CDH13: variants seen among roughly 807,000 people sequenced by gnomAD.
CDH13 encodes cadherin 13, also known as cadherin-13.
A neutral mutation model predicts 63.8 loss-of-function variants in CDH13; 24 were observed. That is an observed-to-expected ratio of 0.38 (90% confidence interval 0.27 to 0.53). The LOEUF (loss-of-function observed/expected upper bound fraction) is 0.53, where lower values mean the gene tolerates loss of function less well. CDH13 is among the 20% of genes least tolerant of loss of function. The probability of loss-of-function intolerance (pLI) is 0.85; values close to 1 mark genes in which losing one functional copy is unlikely to be tolerated. For missense variants in CDH13, 1,049 were observed against 903.1 expected (o/e 1.16, Z -2.07); for synonymous variants, 503 against 355.3 (o/e 1.42, Z -4.67).
intron 4 of CDH13, among the ~76,000 whole-genome samples, chr16:83,215,907 A>T (rs2039488984): frequency 6.6e-6 from 1 of 152,162 alleles, no homozygotes; most frequent in Non-Finnish European, 1.5e-5. Context: ...ATAAATATAG[A>T]TGAATACTTG....
At chr16:83,388,773 C>T (rs1379022087) in intron 6 of CDH13, among the ~76,000 whole-genome samples, 1 of 152,166 alleles carries the variant, frequency 6.6e-6, no homozygotes, top group Non-Finnish European at 1.5e-5. Flanking sequence ...TCCATACTTG[C>T]TCCCCAGGAT....
At chr16:83,676,937 T>C (rs1357631509) in intron 9 of CDH13, among the ~76,000 whole-genome samples, 1 of 152,258 alleles carries the variant, frequency 6.6e-6, no homozygotes, top group South Asian at 2.1e-4. Flanking sequence ...CATTTTCCCA[T>C]GTCCACTGCA....
At chr16:82,989,700 G>A (rs1258243316) in intron 2 of CDH13, among the ~76,000 whole-genome samples, 1 of 152,202 alleles carries the variant, frequency 6.6e-6, no homozygotes, top group Middle Eastern at 3.2e-3. Context: ...GGTATTGCCT[G>A]CTTCTGTTCT....
At chr16:83,019,206 T>G (rs1915105716) in intron 2 of CDH13, among the ~76,000 whole-genome samples, 1 of 152,200 alleles carries the variant, frequency 6.6e-6, no homozygotes, top group African/African-American at 2.4e-5. Context: ...ATAGAAAATA[T>G]TTTCTTTATA....
chr16:83,249,997 G>C (rs1277237230), intron 5 of CDH13, among the ~76,000 whole-genome samples: 2 of 152,168 alleles, frequency 1.3e-5, no homozygotes, highest in Non-Finnish European at 2.9e-5. Context: ...CCAAGTAGTT[G>C]TTTCATTGCA....
At chr16:83,350,489 T>A in intron 6 of CDH13, among the ~76,000 whole-genome samples, 1 of 152,224 alleles carries the variant, frequency 6.6e-6, no homozygotes, top group East Asian at 1.9e-4. Context: ...AGCAGTTACG[T>A]CCTCATTGTC....
At chr16:83,413,911 G>A (rs541184006) in intron 6 of CDH13, among the ~76,000 whole-genome samples, 2 of 152,238 alleles carry the variant, frequency 1.3e-5, no homozygotes, top group Non-Finnish European at 2.9e-5. Flanking sequence ...AAAATTGCTT[G>A]AACCTGGGAG....
chr16:83,099,215 A>G (rs1025972479), intron 3 of CDH13, among the ~76,000 whole-genome samples: 2 of 152,216 alleles, frequency 1.3e-5, no homozygotes, highest in African/African-American at 4.8e-5. Context: ...CATACAAAGT[A>G]TGTTTACACA....
intron 2 of CDH13, among the ~76,000 whole-genome samples, chr16:82,928,987 T>C (rs113531486): frequency 3.0e-4 from 46 of 152,214 alleles, no homozygotes; most frequent in Non-Finnish European, 1.3e-4. Flanking sequence ...TTATATTCAA[T>C]TTTTGCCTGG....
chr16:82,848,198 G>A (rs544109791), intron 1 of CDH13, among the ~76,000 whole-genome samples: 3 of 152,342 alleles, frequency 2.0e-5, no homozygotes, highest in African/African-American at 4.8e-5. Context: ...GCATCAGTGA[G>A]AAAATTAGTC....
chr16:83,765,787 T>C (rs960124722), intron 11 of CDH13, among the ~76,000 whole-genome samples: 5 of 151,928 alleles, frequency 3.3e-5, no homozygotes, highest in Non-Finnish European at 7.4e-5. Flanking sequence ...CTTTCTTTTT[T>C]TTTTTCTATT....
intron 7 of CDH13, among the ~76,000 whole-genome samples, chr16:83,521,258 T>G (rs1032486581): frequency 2.0e-5 from 3 of 152,204 alleles, no homozygotes; most frequent in African/African-American, 7.2e-5. Context: ...TAAGGCTTTA[T>G]TATTTTAAGT....
Position 82,741,476 on chromosome 16 carries a change from T to A in CDH13, c.45+114339T>A, listed in dbSNP as rs142813761. Among the ~76,000 whole-genome samples the A allele has an allele frequency of 4.4e-3, 670 of 152,328 alleles. 4 individuals are homozygous for A. The highest frequency in any genetic ancestry group is 7.0e-3 in the Non-Finnish European group (479 of 68,022). On this transcript the variant is annotated intron_variant, in intron 1 of 13. Transcript: ENST00000567109. ...TATACATATGGCTATAAAGCACTTATAATAATAGACTGGAATTAGTCATTC... is the reference window on the plus strand; with the variant it reads ...TATACATATGGCTATAAAGCACTTAAAATAATAGACTGGAATTAGTCATTC...
chr16:82,897,807 A>G (rs547073408), intron 2 of CDH13, among the ~76,000 whole-genome samples: 3 of 152,360 alleles, frequency 2.0e-5, no homozygotes, highest in South Asian at 2.1e-4. Context: ...GGTAACTAAG[A>G]TGTGCCTTTA....
intron 7 of CDH13, among the ~76,000 whole-genome samples, chr16:83,538,583 G>C (rs1422217784): frequency 6.6e-6 from 1 of 152,222 alleles, no homozygotes; most frequent in African/African-American, 2.4e-5. Flanking sequence ...TCCTTGTTGG[G>C]TGAGTTGAGG....
At chr16:83,667,695 TC>T (rs1196456393) in intron 8 of CDH13, among the ~76,000 whole-genome samples, 1 of 152,190 alleles carries the variant, frequency 6.6e-6, no homozygotes, top group Non-Finnish European at 1.5e-5. Context: ...TCTTGCTCTG[TC>T]ACCCAGGCTG....
At chr16:82,867,918 G>A (rs868830318) in intron 2 of CDH13, among the ~76,000 whole-genome samples, 4 of 152,148 alleles carry the variant, frequency 2.6e-5, no homozygotes, top group Admixed American at 6.5e-5. Flanking sequence ...TCTATCTTGA[G>A]AACTTCCTAG....
intron 7 of CDH13, among the ~76,000 whole-genome samples, chr16:83,561,967 C>A (rs79145216): frequency 6.6e-6 from 1 of 152,096 alleles, no homozygotes; most frequent in African/African-American, 2.4e-5. Context: ...AAATTGGAAT[C>A]CAGTGGAGCG....
intron 6 of CDH13, among the ~76,000 whole-genome samples, chr16:83,384,998 A>G (rs1003752262): frequency 6.6e-5 from 10 of 152,212 alleles, no homozygotes; most frequent in African/African-American, 2.4e-4. Flanking sequence ...CCCTCTTTCA[A>G]ACAAAGATGG....
Sources: gnomAD v4.1 joint callset for allele counts (sites outside exome capture counted in the v4.1 genomes callset) on GRCh38, gnomAD v4.1.1 for gene constraint, MANE v1.5 for transcripts, NCBI Gene and HGNC (gene_info 2026-07-23, HGNC 2026-07-21) for gene names.